Variants in COLEC12 observed in about 807,000 individuals in gnomAD.
COLEC12 encodes collectin-12.
COLEC12 carries 33 observed loss-of-function variants against 71.1 expected under a neutral mutation model. The observed-to-expected ratio is 0.46, with a 90% CI of 0.35 to 0.62. The LOEUF is 0.62. Ranked by LOEUF, COLEC12 falls within the 20% of genes least tolerant of loss-of-function variation. The pLI is 0.00. For missense variants in COLEC12, 765 were observed against 916.1 expected (o/e 0.84, Z 2.13); for synonymous variants, 350 against 353.0 (o/e 0.99, Z 0.10).
intron 2 of COLEC12, among the ~76,000 whole-genome samples, chr18:442,521 C>G (rs1446253083): frequency 3.3e-5 from 5 of 152,224 alleles, no homozygotes; most frequent in Non-Finnish European, 7.3e-5. Flanking sequence ...CCATTGCTCT[C>G]TACACATACT....
chr18:420,397 C>T (rs1288260895), intron 2 of COLEC12, among the ~76,000 whole-genome samples: 26 of 151,974 alleles, frequency 1.7e-4, no homozygotes, highest in Non-Finnish European at 2.9e-5. Context: ...GGTGATGCCT[C>T]GGTATTTCCA....
chr18:482,086 T>C (rs1201962346), intron 1 of COLEC12, among the ~76,000 whole-genome samples: 1 of 151,690 alleles, frequency 6.6e-6, no homozygotes, highest in African/African-American at 2.4e-5. Context: ...CATCCACAAG[T>C]AGGCCCCAGT....
intron 2 of COLEC12, among the ~76,000 whole-genome samples, chr18:409,306 C>T (rs772179821): frequency 6.6e-5 from 10 of 152,248 alleles, no homozygotes; most frequent in South Asian, 2.1e-4. Context: ...TTCGGGAGGC[C>T]GAGGCGGGCA....
chr18:345,012 T>C (rs969191278), intron 5 of COLEC12, among the ~76,000 whole-genome samples: 3 of 152,218 alleles, frequency 2.0e-5, no homozygotes, highest in African/African-American at 7.2e-5. Context: ...CTCTTTACCC[T>C]TGATTATTAG....
rs9966942 is a variant in COLEC12, at chr18:330,655, C to T, written c.2063+1013G>A. Among the ~76,000 whole-genome samples, 4,120 of 152,086 alleles carry T rather than the reference C, an allele frequency of 0.027. 276 individuals are homozygous for T. The East Asian group carries it at 0.29, about 11-fold the overall frequency. On this transcript the variant is annotated intron_variant, in intron 8 of 9. Transcript: ENST00000400256. ...TCTTTGGGTAGAATTAGGGAAGGAG[C>T]TAACACCCCCTAGGGTAGGATGAGG...
intron 5 of COLEC12, among the ~76,000 whole-genome samples, chr18:342,839 G>GA (rs1317024648): frequency 6.6e-6 from 1 of 152,208 alleles, no homozygotes; most frequent in East Asian, 1.9e-4. Context: ...TAGTGTCTCT[G>GA]AAACACCTTG....
chr18:451,908 G>A (rs1916770286), intron 2 of COLEC12, among the ~76,000 whole-genome samples: 2 of 152,180 alleles, frequency 1.3e-5, no homozygotes, highest in Admixed American at 1.3e-4. Context: ...AAGTAAAGAG[G>A]AGCCAAGTAT....
intron 2 of COLEC12, among the ~76,000 whole-genome samples, chr18:385,709 G>A (rs1049518513): frequency 5.3e-5 from 8 of 151,992 alleles, no homozygotes; most frequent in South Asian, 4.1e-4. Flanking sequence ...TATATTTTTT[G>A]TCTTGAGTTT....
intron 2 of COLEC12, among the ~76,000 whole-genome samples, chr18:418,550 T>G (rs1386559661): frequency 1.3e-5 from 2 of 152,144 alleles, no homozygotes; most frequent in African/African-American, 4.8e-5. Flanking sequence ...AATCACAGGA[T>G]AAGATAGGAG....
intron 2 of COLEC12, among the ~76,000 whole-genome samples, chr18:381,126 G>A (rs753698260): frequency 6.6e-6 from 1 of 152,162 alleles, no homozygotes; most frequent in African/African-American, 2.4e-5. Context: ...GGTAAGTACT[G>A]GAAGGAACTC....
intron 2 of COLEC12, among the ~76,000 whole-genome samples, chr18:421,269 T>C (rs180754219): frequency 1.3e-5 from 2 of 152,312 alleles, no homozygotes; most frequent in East Asian, 3.9e-4. Context: ...AGAGAGCAGA[T>C]GGCAAAAAAT....
intron 4 of COLEC12, 142 bp from the exon 5 acceptor site, chr18:347,483 T>C (rs1251305589): frequency 1.5e-6 from 1 of 651,284 alleles, no homozygotes; most frequent in African/African-American, 1.8e-5. Context: ...TCTGCATTAG[T>C]AAAATGTACA....
intron 2 of COLEC12, among the ~76,000 whole-genome samples, chr18:427,285 C>T (rs1453555693): frequency 6.6e-6 from 1 of 152,196 alleles, no homozygotes; most frequent in Non-Finnish European, 1.5e-5. Flanking sequence ...AGTCAGCAGA[C>T]AACACGGTTA....
intron 3 of COLEC12, among the ~76,000 whole-genome samples, chr18:350,657 G>C (rs1046883420): frequency 3.3e-5 from 5 of 152,114 alleles, no homozygotes; most frequent in Non-Finnish European, 5.9e-5. Flanking sequence ...ACCGGGCATG[G>C]TGGCTCACGC....
chr18:410,788 CA>C (rs369405522), intron 2 of COLEC12, among the ~76,000 whole-genome samples: 49 of 145,984 alleles, frequency 3.4e-4, no homozygotes, highest in Admixed American at 8.2e-4. Context: ...AGAGCACAGA[CA>C]AAAAAAAAAT....
chr18:477,076 A>G (rs957696950), intron 2 of COLEC12, among the ~76,000 whole-genome samples: 4 of 152,204 alleles, frequency 2.6e-5, no homozygotes, highest in African/African-American at 4.8e-5. Flanking sequence ...ATATGGAAAG[A>G]CTGAAGAAAA....
intron 2 of COLEC12, among the ~76,000 whole-genome samples, chr18:368,640 G>T (rs146103230): frequency 1.4e-4 from 22 of 151,986 alleles, no homozygotes; most frequent in Non-Finnish European, 2.9e-4. Context: ...CAAGGTGGGC[G>T]GATCATGAGG....
intron 2 of COLEC12, among the ~76,000 whole-genome samples, chr18:398,465 G>C (rs1192371320): frequency 3.9e-5 from 6 of 152,192 alleles, no homozygotes; most frequent in Admixed American, 3.9e-4. Flanking sequence ...TGCCAGGCAA[G>C]GATTTTCTGG....
intron 2 of COLEC12, among the ~76,000 whole-genome samples, chr18:435,206 G>C (rs8090142): frequency 0.18 from 27,881 of 152,212 alleles, 2,844 homozygotes; most frequent in Middle Eastern, 0.24. Context: ...AGGATAAGAA[G>C]TTGTATTAGT....
Sources: gnomAD v4.1 joint callset for allele counts (sites outside exome capture counted in the v4.1 genomes callset) on GRCh38, gnomAD v4.1.1 for gene constraint, MANE v1.5 for transcripts, NCBI Gene and HGNC (gene_info 2026-07-23, HGNC 2026-07-21) for gene names.